GRM1: variants seen among roughly 807,000 people sequenced by gnomAD.
GRM1 encodes the protein glutamate metabotropic receptor 1.
A neutral mutation model predicts 90.9 loss-of-function variants in GRM1; 33 were observed. The ratio of observed to expected loss-of-function variants is 0.36; its 90% CI spans 0.28 to 0.49. The LOEUF is 0.49. Among genes scored for constraint, GRM1 ranks in the 20% least tolerant of loss-of-function variants. The probability of loss-of-function intolerance (pLI) is 0.99; values close to 1 mark genes in which losing one functional copy is unlikely to be tolerated. For synonymous variants in GRM1, 700 were observed against 613.2 expected (o/e 1.14, Z -2.09); for missense variants, 1,190 against 1,534.3 (o/e 0.78, Z 3.75).
intron 2 of GRM1, among the ~76,000 whole-genome samples, chr6:146,217,009 G>T (rs543971013): frequency 6.6e-6 from 1 of 152,222 alleles, no homozygotes; most frequent in East Asian, 1.9e-4. Context: ...GACTCCATTA[G>T]TAACTCCATT....
intron 4 of GRM1, among the ~76,000 whole-genome samples, chr6:146,356,606 C>T (rs749167445): frequency 6.6e-6 from 1 of 152,108 alleles, no homozygotes; most frequent in Non-Finnish European, 1.5e-5. Context: ...TGCATTTGTC[C>T]TGAATATAAA....
chr6:146,340,025 C>CAG (rs1263908814), intron 3 of GRM1, among the ~76,000 whole-genome samples: 1 of 152,200 alleles, frequency 6.6e-6, no homozygotes, highest in African/African-American at 2.4e-5. Context: ...TTAGCAGTTG[C>CAG]AGACGTACCT....
intron 3 of GRM1, among the ~76,000 whole-genome samples, chr6:146,330,556 TA>T (rs1424935730): frequency 6.6e-6 from 1 of 152,094 alleles, no homozygotes; most frequent in East Asian, 1.9e-4. Context: ...ATATTGGATT[TA>T]AAAAAAATCT....
At chr6:146,272,514 A>G (rs1196566552) in intron 2 of GRM1, among the ~76,000 whole-genome samples, 1 of 152,228 alleles carries the variant, frequency 6.6e-6, no homozygotes, top group Non-Finnish European at 1.5e-5. Flanking sequence ...CTGAATAAAT[A>G]CACTACTAAA....
At chr6:146,126,610 A>G (rs1027435551) in intron 1 of GRM1, among the ~76,000 whole-genome samples, 1 of 152,160 alleles carries the variant, frequency 6.6e-6, no homozygotes, top group Non-Finnish European at 1.5e-5. Flanking sequence ...GTATTCTTCT[A>G]AATAGTCTCA....
At chr6:146,236,152 T>C (rs1392554551) in intron 2 of GRM1, among the ~76,000 whole-genome samples, 1 of 152,172 alleles carries the variant, frequency 6.6e-6, no homozygotes, top group Non-Finnish European at 1.5e-5. Flanking sequence ...ATATAATACA[T>C]GGTAGATACA....
chr6:146,264,477 C>A lies in GRM1; in HGVS notation c.951-40134C>A, dbSNP rs1262487223. On this transcript the variant is annotated intron_variant, in intron 2 of 7. Coordinates refer to ENST00000282753, the MANE Select transcript of GRM1 (RefSeq NM_001278064.2). ...TTAATCAAAATGAATTTAAATATTT[C>A]AGTGCAATTGAAAATTAAGTATGAG... Among the ~76,000 whole-genome samples the A allele has an allele frequency of 2.0e-5, 3 of 151,110 alleles. No homozygotes were observed. The East Asian group carries it at 5.8e-4, about 29-fold the overall frequency.
At chr6:146,315,180 T>C (rs1431058260) in intron 3 of GRM1, among the ~76,000 whole-genome samples, 2 of 152,084 alleles carry the variant, frequency 1.3e-5, no homozygotes. Context: ...CAAGACCCTG[T>C]CTCTCCAAAA....
At chr6:146,218,548 C>A (rs1326891098) in intron 2 of GRM1, among the ~76,000 whole-genome samples, 6 of 152,062 alleles carry the variant, frequency 3.9e-5, no homozygotes, top group Non-Finnish European at 5.9e-5. Context: ...TTGCAAGATT[C>A]TGACAAAGTC....
intron 2 of GRM1, among the ~76,000 whole-genome samples, chr6:146,219,736 A>G (rs998603080): frequency 6.6e-6 from 1 of 152,158 alleles, no homozygotes; most frequent in African/African-American, 2.4e-5. Context: ...GTAAAAATAA[A>G]TTACAAAAAA....
chr6:146,221,698 TG>T (rs1780069791), intron 2 of GRM1, among the ~76,000 whole-genome samples: 1 of 152,178 alleles, frequency 6.6e-6, no homozygotes, highest in South Asian at 2.1e-4. Flanking sequence ...TATAATCCTT[TG>T]GGTATATACC....
At chr6:146,106,012 G>T (rs147418241) in intron 1 of GRM1, among the ~76,000 whole-genome samples, 171 of 152,106 alleles carry the variant, frequency 1.1e-3, no homozygotes, top group African/African-American at 3.9e-3. Context: ...TTCTAAACAG[G>T]GTCTAGGGCA....
At chr6:146,405,985 T>C (rs539790981) in intron 7 of GRM1, among the ~76,000 whole-genome samples, 1 of 152,328 alleles carries the variant, frequency 6.6e-6, no homozygotes, top group Admixed American at 6.5e-5. Context: ...GAAGTTATAC[T>C]GCAATAAGTT....
chr6:146,347,443 A>G (rs376527534), intron 3 of GRM1, among the ~76,000 whole-genome samples: 2 of 152,368 alleles, frequency 1.3e-5, no homozygotes, highest in East Asian at 3.9e-4. Flanking sequence ...GAGTGCACAT[A>G]GAACATTCAA....
rs747794902 is a variant in GRM1 at position 146,399,717 on chromosome 6, T to C, written c.2660+18T>C. 1 of 1,516,822 alleles carries C rather than the reference T, an allele frequency of 6.6e-7. No individual in the cohort carries two copies. The highest frequency in any genetic ancestry group is 1.7e-5 in the Admixed American group (1 of 58,376). The allele number at this position is 1,516,822 out of a possible 1,614,324, so 94.0% of individuals were successfully genotyped here. On this transcript the variant is annotated intron_variant, in intron 7 of 7. Transcript: ENST00000282753. This position sits in a 1 kb window ranked among gnomAD's most constrained non-coding sequence, Gnocchi z 5.4. ...AATGCCAAGTGAGTTATCTGACCTG[T>C]TTGTCTCTCTTTTCTCTTCCTTTCT...
intron 1 of GRM1, among the ~76,000 whole-genome samples, chr6:146,100,667 ACTGGGCAAGT>A (rs1165217651): frequency 1.3e-5 from 2 of 152,204 alleles, no homozygotes; most frequent in East Asian, 3.9e-4. Flanking sequence ...GGTCTTGATA[ACTGGGCAAGT>A]CCTTTCTGCC....
chr6:146,227,383 C>A (rs1009901415), intron 2 of GRM1, among the ~76,000 whole-genome samples: 1 of 152,112 alleles, frequency 6.6e-6, no homozygotes. Flanking sequence ...ACATAATTTA[C>A]ACTAGGGTTT....
At chr6:146,097,943 G>T (rs1162198827) in intron 1 of GRM1, among the ~76,000 whole-genome samples, 1 of 152,132 alleles carries the variant, frequency 6.6e-6, no homozygotes, top group Non-Finnish European at 1.5e-5. Context: ...CTTAAATTCT[G>T]TGATCTCCTT....
intron 2 of GRM1, among the ~76,000 whole-genome samples, chr6:146,268,194 G>A (rs375809345): frequency 2.0e-5 from 3 of 152,042 alleles, no homozygotes; most frequent in Non-Finnish European, 4.4e-5. Flanking sequence ...TACTTAGTAA[G>A]GTGTAAGTAA....
Sources: gnomAD v4.1 joint callset for allele counts (sites outside exome capture counted in the v4.1 genomes callset) on GRCh38, gnomAD v4.1.1 for gene constraint, Gnocchi (gnomAD v3.1) non-coding constraint, MANE v1.5 for transcripts, NCBI Gene and HGNC (gene_info 2026-07-23, HGNC 2026-07-21) for gene names.